The following ZNF845 variants were observed in gnomAD, a reference collection of about 807,000 sequenced individuals.
The protein encoded by ZNF845 is zinc finger protein 845.
A neutral mutation model predicts 76.1 loss-of-function variants in ZNF845; 59 were observed. The observed-to-expected ratio is 0.78, with a 90% CI of 0.63 to 0.96. ZNF845 has a LOEUF of 0.96. Ranked by LOEUF, ZNF845 falls within the 40% of genes least tolerant of loss-of-function variation. The pLI, the probability that ZNF845 is intolerant of heterozygous loss-of-function variation, is 0.00. For missense variants in ZNF845, 1,045 were observed against 1,172.8 expected (o/e 0.89, Z 1.59); for synonymous variants, 361 against 386.9 (o/e 0.93, Z 0.78).
intron 2 of ZNF845, among the ~76,000 whole-genome samples, chr19:53,344,580 C>T (rs1003528009): frequency 5.4e-4 from 64 of 118,054 alleles, no homozygotes; most frequent in African/African-American, 1.7e-3. Context: ...AACGAGAACC[C>T]TACATTGATT....
At chr19:53,337,919 T>G (rs1276128245) in intron 1 of ZNF845, among the ~76,000 whole-genome samples, 1 of 152,144 alleles carries the variant, frequency 6.6e-6, no homozygotes, top group African/African-American at 2.4e-5. Context: ...CAGGCTTATC[T>G]CAAACTCATG....
intron 1 of ZNF845, among the ~76,000 whole-genome samples, chr19:53,334,608 G>A (rs2085199679): frequency 6.6e-6 from 1 of 152,054 alleles, no homozygotes; most frequent in African/African-American, 2.4e-5. Flanking sequence ...GCACAGTAAT[G>A]AAGAAAGGGG....
intron 1 of ZNF845, among the ~76,000 whole-genome samples, chr19:53,336,638 T>C (rs1186115994): frequency 5.7e-4 from 85 of 148,526 alleles, no homozygotes; most frequent in Non-Finnish European, 1.0e-3. Context: ...TCTTTCTTTT[T>C]TTTTTTTTTT....
At chr19:53,344,076 A>G (rs927814632) in intron 2 of ZNF845, among the ~76,000 whole-genome samples, 3 of 151,962 alleles carry the variant, frequency 2.0e-5, no homozygotes, top group Non-Finnish European at 4.4e-5. Flanking sequence ...TCCTGGGATC[A>G]AGCAATTCTG....
chr19:53,348,847 A>ATTTTTTTTTTTTTTT, intron 3 of ZNF845, among the ~76,000 whole-genome samples: 1 of 96,622 alleles, frequency 1.0e-5, no homozygotes, highest in Non-Finnish European at 1.9e-5. Flanking sequence ...TTGTTAGTCA[A>ATTTTTTTTTTTTTTT]TTTTTTTTTT....
chr19:53,343,890 AGCTCACT>A (rs1360439777), intron 2 of ZNF845, among the ~76,000 whole-genome samples: 9 of 151,946 alleles, frequency 5.9e-5, no homozygotes, highest in Admixed American at 5.9e-4. Flanking sequence ...GCGCGATCTT[AGCTCACT>A]GCAACCTCCA....
chr19:53,341,327 G>C lies in ZNF845; in HGVS notation c.15+5G>C. On this transcript the variant is annotated splice_donor_5th_base_variant and intron_variant, in intron 2 of 3. Transcript: ENST00000458035. ...TCAGGGATGGCTCTTTCTCAGGTGA[G>C]ATGATATGTTGGGTGGATTGTTCTG... The C allele has an allele frequency of 6.2e-7, 1 of 1,614,022 alleles. No homozygotes were observed. Among genetic ancestry groups the C allele is most frequent in the African/African-American group, 1.3e-5 (1 of 75,040 alleles).
chr19:53,345,638 G>A lies in ZNF845; in HGVS notation c.142+6G>A, dbSNP rs779534282. 9 of 1,612,486 alleles carry A rather than the reference G, an allele frequency of 5.6e-6. No individual in the cohort carries two copies. The highest frequency in any genetic ancestry group is 5.9e-6 in the Non-Finnish European group (7 of 1,179,496). On this transcript the variant is annotated splice_donor_region_variant and intron_variant, in intron 3 of 3. Coordinates refer to ENST00000458035, the MANE Select transcript of ZNF845 (RefSeq NM_138374.3). Reference sequence around the variant, plus strand: ...TAGGAACCTGGTCTCCCTGGGTGAGGATAACTTCCCTCCAGAAGTGGGGAT... The same window carrying A: ...TAGGAACCTGGTCTCCCTGGGTGAGAATAACTTCCCTCCAGAAGTGGGGAT...
In ZNF845 at chr19:53,341,444, A is replaced by G. The variant is rs2085256432; in HGVS notation, c.15+122A>G. The stretch of plus-strand genomic sequence containing the variant: ...CTGACAGGTTTGCTCGCACTCACCC[A>G]TGCCTTCCCTCAGTCCCTCTCATCT... On this transcript the variant is annotated intron_variant, in intron 2 of 3. Coordinates refer to ENST00000458035, the MANE Select transcript of ZNF845 (RefSeq NM_138374.3). The G allele has an allele frequency of 4.2e-6, 6 of 1,421,680 alleles. No individual in the cohort carries two copies. In the Admixed American group the frequency reaches 5.4e-5, roughly 13 times the overall value. 88.1% of individuals were successfully genotyped at this position (1,421,680 alleles called of 1,614,324 possible).
At chr19:53,344,604 A>ATTTTATTTATTTTAT (rs371551119) in intron 2 of ZNF845, among the ~76,000 whole-genome samples, 1 of 126,908 alleles carries the variant, frequency 7.9e-6, no homozygotes, top group East Asian at 2.3e-4. Flanking sequence ...ATTTTATTTT[A>ATTTTATTTATTTTAT]TTTATTTTAT....
rs398035035 is a variant in ZNF845, at chr19:53,336,633, CTTTTTTTTTT to C, written c.-74+2852_-74+2861del. On this transcript the variant is annotated intron_variant, in intron 1 of 3. Coordinates refer to ENST00000458035, the MANE Select transcript of ZNF845 (RefSeq NM_138374.3). ...TTCCTCTTCCTTCCTTTCTTTCTTT[CTTTTTTTTTT>C]TTTTTTTTTTGCAGTTTTACTTTGA... Among the ~76,000 whole-genome samples the C allele has an allele frequency of 4.3e-5, 4 of 92,446 alleles. 1 individual carries two copies. The highest frequency in any genetic ancestry group is 2.3e-4 in the Admixed American group (2 of 8,600). The allele number at this position is 92,446 out of a possible 152,430, so 60.6% of individuals were successfully genotyped here. A position where few individuals can be genotyped will look rare whatever the true frequency, so the allele number is the denominator to read the frequency against.
intron 2 of ZNF845, among the ~76,000 whole-genome samples, chr19:53,343,623 T>C (rs540903163): frequency 1.3e-5 from 2 of 152,284 alleles, no homozygotes; most frequent in South Asian, 2.1e-4. Context: ...TACACAAGTA[T>C]ACACACACAC....
At chr19:53,349,225 T>G (rs913698619) in intron 3 of ZNF845, among the ~76,000 whole-genome samples, 5 of 152,164 alleles carry the variant, frequency 3.3e-5, no homozygotes, top group Admixed American at 6.5e-5. Flanking sequence ...GGTAATGATC[T>G]TAACATGTAT....
At position 53,354,648 on chromosome 19, in the gene ZNF845, T is replaced by C. The variant is rs887503597; in HGVS notation, c.*1060T>C. On this transcript the variant is annotated 3_prime_UTR_variant, in exon 4 of 4. Transcript: ENST00000458035. ...ATATGGGTTGTATGTCTATTTAGTT[T>C]TTTTGATCAATGTAGATTTCAAGGT... 7 of 152,740 alleles carry C rather than the reference T, an allele frequency of 4.6e-5. No individual in the cohort carries two copies. Among genetic ancestry groups the C allele is most frequent in the Admixed American group, 2.6e-4 (4 of 15,330 alleles). The allele number at this position is 152,740 out of a possible 1,614,324, so 9.5% of individuals were successfully genotyped here. A position where few individuals can be genotyped will look rare whatever the true frequency, so the allele number is the denominator to read the frequency against.
rs1316934414 is a variant in ZNF845, at chr19:53,341,333, A to AT, written c.15+12dup. The AT allele has an allele frequency of 6.2e-7, 1 of 1,613,822 alleles. No individual in the cohort carries two copies. On this transcript the variant is annotated intron_variant, in intron 2 of 3. Coordinates refer to ENST00000458035, the MANE Select transcript of ZNF845 (RefSeq NM_138374.3). Reference sequence around the variant, plus strand: ...ATGGCTCTTTCTCAGGTGAGATGATATGTTGGGTGGATTGTTCTGTCTCCT... The same window carrying AT: ...ATGGCTCTTTCTCAGGTGAGATGATATTGTTGGGTGGATTGTTCTGTCTCCT...
chr19:53,353,259 A>T lies in ZNF845; in HGVS notation c.2584A>T (p.Ser862Cys). ...IHTGEKPYKCSECGKVFNRKA... is the reference protein window; with the variant it reads ...IHTGEKPYKCCECGKVFNRKA... Reference sequence around the variant, plus strand: ...TACTGGAGAAAAACCTTACAAGTGTAGTGAATGTGGCAAGGTTTTTAATAG... The same window carrying T: ...TACTGGAGAAAAACCTTACAAGTGTTGTGAATGTGGCAAGGTTTTTAATAG... The change falls in exon 4 of 4, where the codon AGT (serine) becomes TGT (cysteine). Residue 862 changes from serine to cysteine, a missense_variant. By Grantham distance (112) the Ser-to-Cys change is moderately radical (BLOSUM62 -1). Transcript: ENST00000458035. 2 of 1,613,932 alleles carry T rather than the reference A, an allele frequency of 1.2e-6. No homozygotes were observed. The highest frequency in any genetic ancestry group is 1.7e-6 in the Non-Finnish European group (2 of 1,179,866).
At position 53,345,580 on chromosome 19, in the gene ZNF845, G is replaced by A; in HGVS notation, c.90G>A (p.Arg30=). Residue 30 remains arginine (R), a synonymous_variant, in exon 3 of 4, where the codon AGG becomes AGA. Coordinates refer to ENST00000458035, the MANE Select transcript of ZNF845 (RefSeq NM_138374.3). ...EEWKCLDPAQ[R]TLYRDVMLEN... ...GGAAGTGCCTGGACCCTGCTCAGAGGACTCTATACAGGGACGTGATGCTGG... is the reference window on the plus strand; with the variant it reads ...GGAAGTGCCTGGACCCTGCTCAGAGAACTCTATACAGGGACGTGATGCTGG... 6.2e-7 allele frequency: 1 copy of A among 1,613,480 alleles called. No individual in the cohort carries two copies. Among genetic ancestry groups the A allele is most frequent in the Non-Finnish European group, 8.5e-7 (1 of 1,179,502 alleles).
In ZNF845 at chr19:53,352,311, A is replaced by G. The variant is rs1374987981; in HGVS notation, c.1636A>G (p.Thr546Ala). ...SSLTRHCRLH[T>A]GEKPYQCNEC... ...CCTTACACGCCATTGTAGACTTCAT[A>G]CTGGAGAGAAACCTTACCAGTGTAA... The change falls in exon 4 of 4, where the codon ACT becomes GCT. Residue 546 changes from threonine (T) to alanine (A), a missense_variant. Transcript: ENST00000458035. 6.2e-7 allele frequency: 1 copy of G among 1,613,928 alleles called. No individual in the cohort carries two copies. Among genetic ancestry groups the G allele is most frequent in the Admixed American group, 1.7e-5 (1 of 59,994 alleles).
At chr19:53,342,895 T>C (rs2085266776) in intron 2 of ZNF845, among the ~76,000 whole-genome samples, 1 of 152,112 alleles carries the variant, frequency 6.6e-6, no homozygotes. Context: ...CTCGGCTCAC[T>C]GCAACCACTG....
Sources: allele counts gnomAD v4.1 joint callset (sites outside exome capture counted in the v4.1 genomes callset), GRCh38; gene constraint gnomAD v4.1.1; transcripts MANE v1.5; gene names NCBI Gene and HGNC (gene_info 2026-07-23, HGNC 2026-07-21).